Variants in CLCN1 observed in about 807,000 individuals in gnomAD.
CLCN1 encodes the protein chloride voltage-gated channel 1.
Under a neutral mutation model 114.5 loss-of-function variants are expected in CLCN1, and 100 were observed. The ratio of observed to expected loss-of-function variants is 0.87; its 90% CI spans 0.74 to 1.03. The LOEUF is 1.03. Among genes scored for constraint, CLCN1 ranks in the 50% least tolerant of loss-of-function variants. The pLI is 0.00. For missense variants in CLCN1, 1,188 were observed against 1,250.0 expected (o/e 0.95, Z 0.75); for synonymous variants, 485 against 487.1 (o/e 1.00, Z 0.06).
chr7:143,335,213 C>T (rs1157657323), intron 12 of CLCN1, among the ~76,000 whole-genome samples: 5 of 152,172 alleles, frequency 3.3e-5, no homozygotes, highest in East Asian at 3.8e-4. Context: ...GATTCCACTT[C>T]GCAAATTCAA....
chr7:143,331,487 G>C, intron 9 of CLCN1, 64 bp from the exon 10 acceptor site: 2 of 1,269,596 alleles, frequency 1.6e-6, no homozygotes, highest in South Asian at 1.2e-5. Flanking sequence ...CCCTGCAGTA[G>C]TTATGTCCAA....
At position 143,331,565 on chromosome 7, in the gene CLCN1, T is replaced by A; in HGVS notation, c.1079T>A (p.Leu360His). Residue 360 changes from leucine (L) to histidine (H), a missense_variant, in exon 10 of 23, where the codon CTC becomes CAC. Transcript: ENST00000343257. Reference protein sequence around the residue: ...AFAAIGICCGLLGAVFVYLHR... With the variant: ...AFAAIGICCGHLGAVFVYLHR... ...TACACCCTCAGGATTTGCTGTGGGC[T>A]CCTGGGAGCTGTATTTGTGTATCTG... The A allele has an allele frequency of 6.2e-7, 1 of 1,613,674 alleles. No individual in the cohort carries two copies. The highest frequency in any genetic ancestry group is 8.5e-7 in the Non-Finnish European group (1 of 1,179,542).
rs748630375 is a variant in CLCN1 at position 143,351,900 on chromosome 7, G to C, written c.2902G>C (p.Asp968His). The C allele has an allele frequency of 6.2e-7, 1 of 1,613,950 alleles. No individual in the cohort carries two copies. The highest frequency in any genetic ancestry group is 8.5e-7 in the Non-Finnish European group (1 of 1,179,988). The change falls in exon 23 of 23, where the codon GAC becomes CAC. Residue 968 changes from aspartate (D) to histidine (H), a missense_variant. Transcript: ENST00000343257. ...TCCAGGGCTGGAAGAGGAGCTGGCCGACATCTTGCAGGGCCCCAGCCTGCG... is the reference window on the plus strand; with the variant it reads ...TCCAGGGCTGGAAGAGGAGCTGGCCCACATCTTGCAGGGCCCCAGCCTGCG... ...ESPGLEEELA[D>H]ILQGPSLRST...
Position 143,323,324 on chromosome 7 carries a change from A to G in CLCN1, c.712A>G (p.Ile238Val), listed in dbSNP as rs765718767. ...PVGKEGPFVH[I>V]ASICAAVLSK... ...CCTCTCCCAGGGCCCCTTCGTCCAC[A>G]TTGCCAGCATCTGTGCTGCTGTCCT... Residue 238 changes from isoleucine (I) to valine (V), a missense_variant, in exon 6 of 23, where the codon ATT (isoleucine) becomes GTT (valine). Transcript: ENST00000343257. 2 of 1,612,466 alleles carry G rather than the reference A, an allele frequency of 1.2e-6. No homozygotes were observed. The highest frequency in any genetic ancestry group is 1.7e-4 in the Middle Eastern group (1 of 6,058).
At chr7:143,318,243 A>T (rs1466168896) in intron 1 of CLCN1, among the ~76,000 whole-genome samples, 1 of 150,914 alleles carries the variant, frequency 6.6e-6, no homozygotes, top group Admixed American at 6.6e-5. Flanking sequence ...TGTTTTTGAG[A>T]TGGAGTTTCG....
At chr7:143,338,412 A>G (rs1260196520) in intron 12 of CLCN1, among the ~76,000 whole-genome samples, 1 of 142,318 alleles carries the variant, frequency 7.0e-6, no homozygotes, top group African/African-American at 2.5e-5. Context: ...GTTTCACCAT[A>G]TAGATGGTTC....
In CLCN1 at chr7:143,324,510, T is replaced by G. The variant is rs1563075956; in HGVS notation, c.853+18T>G. 1.3e-6 allele frequency: 2 copies of G among 1,598,458 alleles called. No homozygotes were observed. Among genetic ancestry groups the G allele is most frequent in the East Asian group, 4.5e-5 (2 of 44,806 alleles). On this transcript the variant is annotated intron_variant, in intron 7 of 22. Transcript: ENST00000343257. The surrounding 1 kb of genome is among the most constrained non-coding windows in gnomAD (Gnocchi z 4.6). ...ACTTGGAGGCAAGTGATTGACCCCC[T>G]CCCCCATCAATCGGCTTGCCTGGCC...
At chr7:143,346,425 G>A (rs950245272) in intron 18 of CLCN1, among the ~76,000 whole-genome samples, 154 bp from the exon 19 acceptor site, 1 of 152,194 alleles carries the variant, frequency 6.6e-6, no homozygotes, top group Admixed American at 6.5e-5. Flanking sequence ...CTGTCCCAGG[G>A]AGTGGGAGCA....
intron 14 of CLCN1, among the ~76,000 whole-genome samples, chr7:143,340,030 A>T (rs1351924669): frequency 2.0e-5 from 3 of 152,186 alleles, no homozygotes; most frequent in African/African-American, 7.2e-5. Context: ...GCTAAGAAAC[A>T]TGGCTCTAGA....
chr7:143,328,964 TTCTTTC>T (rs1262760466), intron 7 of CLCN1, among the ~76,000 whole-genome samples: 1 of 88,986 alleles, frequency 1.1e-5, no homozygotes, highest in African/African-American at 3.8e-5. Flanking sequence ...GGAATTTTCT[TTCTTTC>T]TTTTTTTTTT....
At position 143,339,515 on chromosome 7, in the gene CLCN1, T is replaced by C. The variant is rs140794259; in HGVS notation, c.1476T>C (p.Ala492=). The C allele has an allele frequency of 1.7e-5, 27 of 1,611,494 alleles. No individual in the cohort carries two copies. In the African/African-American group the frequency reaches 3.6e-4, roughly 21 times the overall value. The part of the protein sequence containing the change: ...GGFMPVFVLG[A]AFGRLVGEIM... ...TTCCTTTTATCTTCCCTCTAGGAGCTGCATTTGGAAGGCTGGTAGGAGAAA... is the reference window on the plus strand; with the variant it reads ...TTCCTTTTATCTTCCCTCTAGGAGCCGCATTTGGAAGGCTGGTAGGAGAAA... The change falls in exon 14 of 23, where the codon GCT becomes GCC. Residue 492 remains alanine, a synonymous_variant. Coordinates refer to ENST00000343257, the MANE Select transcript of CLCN1 (RefSeq NM_000083.3). This position sits in a 1 kb window ranked among gnomAD's most constrained non-coding sequence, Gnocchi z 4.1.
chr7:143,345,854 C>T (rs2116385305), intron 17 of CLCN1, 92 bp downstream of exon 17: 3 of 1,514,936 alleles, frequency 2.0e-6, no homozygotes, highest in East Asian at 2.4e-5. Flanking sequence ...CTGGGACAGG[C>T]GTAGTTTCCC....
rs551352496 is a variant in CLCN1 at position 143,322,536 on chromosome 7, T to C, written c.696+688T>C. Among the ~76,000 whole-genome samples the C allele has an allele frequency of 3.3e-5, 5 of 152,326 alleles. No individual in the cohort carries two copies. The South Asian group carries it at 1.0e-3, about 32-fold the overall frequency. On this transcript the variant is annotated intron_variant, in intron 5 of 22. Transcript: ENST00000343257. ...AAAATTGAAAGTTTTGTTGTTGTTG[T>C]TGTTGAGACAGTGTCTAGCTCGCTT...
At chr7:143,320,574 T>TGG in intron 2 of CLCN1, 90 bp from the exon 3 acceptor site, 1 of 1,111,368 alleles carries the variant, frequency 9.0e-7, no homozygotes. Flanking sequence ...TCTCTCTCTC[T>TGG]CTCTCTCTCT....
Position 143,321,956 on chromosome 7 carries a change from C to T in CLCN1, c.696+108C>T, listed in dbSNP as rs1802452333. 1 of 1,287,856 alleles carries T rather than the reference C, an allele frequency of 7.8e-7. No individual in the cohort carries two copies. The highest frequency in any genetic ancestry group is 1.1e-6 in the Non-Finnish European group (1 of 928,058). 79.8% of individuals were successfully genotyped at this position (1,287,856 alleles called of 1,614,324 possible). ...GTGGAAGTGGATCAGGGGACAGGAC[C>T]AAGGCCAGGGCCAGGGGACACTAGG... On this transcript the variant is annotated intron_variant, in intron 5 of 22. Transcript: ENST00000343257. This position sits in a 1 kb window ranked among gnomAD's most constrained non-coding sequence, Gnocchi z 4.2.
Position 143,324,472 on chromosome 7 carries a change from G to A in CLCN1, c.833G>A (p.Cys278Tyr). 6.2e-7 allele frequency: 1 copy of A among 1,613,916 alleles called. No individual in the cohort carries two copies. The highest frequency in any genetic ancestry group is 1.1e-5 in the South Asian group (1 of 91,076). ...GGCTGTGCTGTGGGAGTCGGCTGTTGTTTTGGGACACCACTTGGAGGCAAG... is the reference window on the plus strand; with the variant it reads ...GGCTGTGCTGTGGGAGTCGGCTGTTATTTTGGGACACCACTTGGAGGCAAG... Reference protein sequence around the residue: ...TVGCAVGVGCCFGTPLGGVLF... With the variant: ...TVGCAVGVGCYFGTPLGGVLF... Residue 278 changes from cysteine (C) to tyrosine (Y), a missense_variant, in exon 7 of 23, where the codon TGT becomes TAT. Coordinates refer to ENST00000343257, the MANE Select transcript of CLCN1 (RefSeq NM_000083.3). This position sits in a 1 kb window ranked among gnomAD's most constrained non-coding sequence, Gnocchi z 4.6.
At chr7:143,325,239 C>T (rs1586490082) in intron 7 of CLCN1, among the ~76,000 whole-genome samples, 1 of 152,128 alleles carries the variant, frequency 6.6e-6, no homozygotes, top group Admixed American at 6.5e-5. Context: ...AAAAAGGACA[C>T]CAAGTTGATA....
Position 143,328,546 on chromosome 7 carries a change from C to T in CLCN1, c.854-2226C>T, listed in dbSNP as rs544986080. 4.9e-4 allele frequency among the ~76,000 whole-genome samples: 74 copies of T among 152,232 alleles called. No homozygotes were observed. In the South Asian group the frequency reaches 7.5e-3, roughly 15 times the overall value. On this transcript the variant is annotated intron_variant, in intron 7 of 22. Transcript: ENST00000343257. ...TGCTAGGGAAAGTGTCCCAGAACCACGTCGTAGGAAAGAAAACCTAGCCCA... is the reference window on the plus strand; with the variant it reads ...TGCTAGGGAAAGTGTCCCAGAACCATGTCGTAGGAAAGAAAACCTAGCCCA...
At chr7:143,346,472 A>G (rs1340145036) in intron 18 of CLCN1, 107 bp from the exon 19 acceptor site, 1 of 862,568 alleles carries the variant, frequency 1.2e-6, no homozygotes, top group Non-Finnish European at 2.0e-6. Context: ...AGGGTGAGGT[A>G]CCTGGGAAGT....
Sources: gnomAD v4.1 joint callset for allele counts (sites outside exome capture counted in the v4.1 genomes callset) on GRCh38, gnomAD v4.1.1 for gene constraint, Gnocchi (gnomAD v3.1) non-coding constraint, MANE v1.5 for transcripts, NCBI Gene and HGNC (gene_info 2026-07-23, HGNC 2026-07-21) for gene names.